Variants in MCPH1 observed in about 807,000 individuals in gnomAD.
MCPH1 encodes microcephalin.
In MCPH1, 104 loss-of-function variants were observed where a neutral mutation model predicts 84.5. That is an observed-to-expected ratio of 1.23 (90% CI 1.05 to 1.45). The LOEUF (loss-of-function observed/expected upper bound fraction) is 1.45. Ranked by LOEUF, MCPH1 falls within the 40% of genes most tolerant of loss-of-function variation. The probability of loss-of-function intolerance (pLI) is 0.00; values close to 1 mark genes in which losing one functional copy is unlikely to be tolerated. For missense variants in MCPH1, 1,498 were observed against 1,005.7 expected (o/e 1.49, Z -6.62); for synonymous variants, 514 against 366.8 (o/e 1.40, Z -4.58).
chr8:6,552,688 T>C (rs1823864400), intron 12 of MCPH1, among the ~76,000 whole-genome samples: 1 of 152,196 alleles, frequency 6.6e-6, no homozygotes, highest in African/African-American at 2.4e-5. Flanking sequence ...TTGAAACACA[T>C]AATAACCCTA....
chr8:6,627,031 T>A (rs1316041628), intron 13 of MCPH1: 1 of 985,168 alleles, frequency 1.0e-6, no homozygotes, highest in African/African-American at 1.7e-5. Flanking sequence ...TTATAACTTA[T>A]AAAGAAAATT....
intron 12 of MCPH1, among the ~76,000 whole-genome samples, chr8:6,602,850 T>C (rs1218960614): frequency 6.6e-6 from 1 of 152,096 alleles, no homozygotes; most frequent in Non-Finnish European, 1.5e-5. Flanking sequence ...ATTTTGGCTA[T>C]TTAAAGAGAT....
At chr8:6,509,772 C>G (rs1052965219) in intron 12 of MCPH1, among the ~76,000 whole-genome samples, 1 of 152,210 alleles carries the variant, frequency 6.6e-6, no homozygotes, top group Non-Finnish European at 1.5e-5. Flanking sequence ...AGCATCATAG[C>G]TTAGCTCTAG....
intron 12 of MCPH1, chr8:6,502,908 T>C: frequency 1.6e-6 from 1 of 608,532 alleles, no homozygotes; most frequent in Non-Finnish European, 2.8e-6. Flanking sequence ...AGGGTCTTGC[T>C]TTGGTCCGTT....
chr8:6,569,434 T>G (rs1020602929), intron 12 of MCPH1, among the ~76,000 whole-genome samples: 15 of 152,224 alleles, frequency 9.9e-5, no homozygotes, highest in Admixed American at 9.8e-4. Flanking sequence ...GCTCATCATG[T>G]TACACTAGTG....
intron 2 of MCPH1, 135 bp from the exon 3 acceptor site, chr8:6,414,630 G>T (rs747437148): frequency 1.2e-5 from 10 of 862,808 alleles, no homozygotes; most frequent in Non-Finnish European, 1.8e-5. Flanking sequence ...TTTAAGCAGC[G>T]TTATGCATTC....
intron 9 of MCPH1, among the ~76,000 whole-genome samples, chr8:6,466,069 C>G (rs1806885960): frequency 1.3e-5 from 2 of 151,714 alleles, no homozygotes; most frequent in African/African-American, 2.4e-5. Flanking sequence ...ATTCTTGTGC[C>G]TCAGCCTCCC....
At chr8:6,526,039 C>G (rs1481761304) in intron 12 of MCPH1, among the ~76,000 whole-genome samples, 1 of 152,032 alleles carries the variant, frequency 6.6e-6, no homozygotes, top group Non-Finnish European at 1.5e-5. Context: ...CATTGTATAA[C>G]AGGCAAGAGA....
intron 12 of MCPH1, among the ~76,000 whole-genome samples, chr8:6,609,828 C>CCCCCCCCCCCCCCA (rs1475345162): frequency 2.3e-4 from 25 of 108,484 alleles, no homozygotes; most frequent in South Asian, 8.3e-4. Context: ...CGCCCCCCCC[C>CCCCCCCCCCCCCCA]CACACACAGA....
At chr8:6,443,069 C>G (rs182642378) in intron 7 of MCPH1, among the ~76,000 whole-genome samples, 1 of 152,160 alleles carries the variant, frequency 6.6e-6, no homozygotes, top group Non-Finnish European at 1.5e-5. Context: ...GTAGGCACTC[C>G]TCTAAGTGTC....
At chr8:6,565,787 G>T (rs1826096242) in intron 12 of MCPH1, among the ~76,000 whole-genome samples, 1 of 152,226 alleles carries the variant, frequency 6.6e-6, no homozygotes, top group Admixed American at 6.5e-5. Flanking sequence ...TGTGGTAAGA[G>T]AGAGCAGTCG....
chr8:6,591,560 A>T (rs1429220252), intron 12 of MCPH1, among the ~76,000 whole-genome samples: 2 of 152,358 alleles, frequency 1.3e-5, no homozygotes, highest in Non-Finnish European at 2.9e-5. Flanking sequence ...ATGCAAGAGT[A>T]TCCTAAGAGC....
intron 9 of MCPH1, among the ~76,000 whole-genome samples, chr8:6,457,487 C>T (rs1805823537): frequency 6.6e-6 from 1 of 152,128 alleles, no homozygotes; most frequent in Admixed American, 6.5e-5. Flanking sequence ...CACCTGTAAT[C>T]CCAGCTGCTC....
At chr8:6,462,132 G>A (rs1161952011) in intron 9 of MCPH1, among the ~76,000 whole-genome samples, 2 of 152,072 alleles carry the variant, frequency 1.3e-5, no homozygotes, top group African/African-American at 2.4e-5. Context: ...AGATGTGAAG[G>A]AACAAATAGA....
chr8:6,509,812 A>C (rs533778379), intron 12 of MCPH1, among the ~76,000 whole-genome samples: 1 of 152,320 alleles, frequency 6.6e-6, no homozygotes, highest in African/African-American at 2.4e-5. Flanking sequence ...GAACACTCAC[A>C]TTAGCCCACA....
At chr8:6,574,531 ACTTACGATGTT>A (rs1475026295) in intron 12 of MCPH1, among the ~76,000 whole-genome samples, 1 of 152,188 alleles carries the variant, frequency 6.6e-6, no homozygotes, top group Admixed American at 6.5e-5. Flanking sequence ...TATCCATAAC[ACTTACGATGTT>A]TAAAGATGAA....
At chr8:6,520,099 A>T in intron 12 of MCPH1, 1 of 1,289,020 alleles carries the variant, frequency 7.8e-7, no homozygotes, top group South Asian at 1.6e-5. Context: ...GGAATTCTTA[A>T]GTAAGCAAAA....
At chr8:6,506,853 A>G (rs1282665856) in intron 12 of MCPH1, among the ~76,000 whole-genome samples, 2 of 151,720 alleles carry the variant, frequency 1.3e-5, no homozygotes, top group East Asian at 1.9e-4. Flanking sequence ...AAAATTACTG[A>G]ATTTCATATT....
intron 12 of MCPH1, among the ~76,000 whole-genome samples, chr8:6,519,297 G>C (rs1816863904): frequency 6.6e-6 from 1 of 152,276 alleles, no homozygotes; most frequent in East Asian, 1.9e-4. Context: ...CTGTGGCACT[G>C]TGTTAGCGTT....
Sources: gnomAD v4.1 joint callset for allele counts (sites outside exome capture counted in the v4.1 genomes callset) on GRCh38, gnomAD v4.1.1 for gene constraint, MANE v1.5 for transcripts, NCBI Gene and HGNC (gene_info 2026-07-23, HGNC 2026-07-21) for gene names.